EPRS1: variants seen among roughly 807,000 people sequenced by gnomAD.
EPRS1 encodes glutamyl-prolyl-tRNA synthetase 1, also known as bifunctional glutamate/proline--tRNA ligase.
In EPRS1, 107 loss-of-function variants were observed where a neutral mutation model predicts 188.3. The observed-to-expected ratio is 0.57, with a 90% CI of 0.49 to 0.67. EPRS1 has a LOEUF of 0.67. Ranked by LOEUF, EPRS1 falls within the 30% of genes least tolerant of loss-of-function variation. The pLI, the probability that EPRS1 is intolerant of heterozygous loss-of-function variation, is 0.00. For missense variants in EPRS1, 1,577 were observed against 1,802.2 expected (o/e 0.88, Z 2.26); for synonymous variants, 596 against 593.1 (o/e 1.00, Z -0.07).
Position 220,024,540 on chromosome 1 carries a change from A to T in EPRS1, c.751-84T>A. 3.6e-6 allele frequency: 3 copies of T among 832,556 alleles called. No homozygotes were observed. The South Asian group carries it at 5.3e-5, about 15-fold the overall frequency. The allele number at this position is 832,556 out of a possible 1,614,324, so 51.6% of individuals were successfully genotyped here. On this transcript the variant is annotated intron_variant, in intron 7 of 31. Transcript: ENST00000366923. ...CAACCCTTGATACTGCATTTAAGCA[A>T]ATGTAACATAGACCATCAGTCTTAT...
At chr1:220,028,893 G>A (rs1662036312) in intron 6 of EPRS1, among the ~76,000 whole-genome samples, 1 of 152,044 alleles carries the variant, frequency 6.6e-6, no homozygotes, top group South Asian at 2.1e-4. Flanking sequence ...TGAAAACTAT[G>A]CATAGTAAAA....
intron 30 of EPRS1, among the ~76,000 whole-genome samples, chr1:219,971,341 A>G (rs1309669808): frequency 6.6e-6 from 1 of 152,176 alleles, no homozygotes; most frequent in African/African-American, 2.4e-5. Flanking sequence ...TATACCCAAT[A>G]TATAAAATCA....
In EPRS1 at chr1:219,996,637, A is replaced by C. The variant is rs6669531; in HGVS notation, c.2541+346T>G. ...TTGTTCCCCCATAATGGCTGCTTCT[A>C]CTTCAGGATGATTTTAAATATCCTT... On this transcript the variant is annotated intron_variant, in intron 18 of 31. Transcript: ENST00000366923. 5.3e-3 allele frequency among the ~76,000 whole-genome samples: 814 copies of C among 152,298 alleles called. 7 individuals carry two copies. Among genetic ancestry groups the C allele is most frequent in the African/African-American group, 0.019 (790 of 41,568 alleles).
chr1:220,046,489 A>G lies in EPRS1; in HGVS notation c.-101T>C. The G allele has an allele frequency of 6.5e-7, 1 of 1,527,476 alleles. No homozygotes were observed. The highest frequency in any genetic ancestry group is 2.5e-5 in the East Asian group (1 of 40,216). 94.6% of individuals were successfully genotyped at this position (1,527,476 alleles called of 1,614,324 possible). ...AAGATGCAACGTGTGCGCGTACCCGACGCCGCCGCAGCCTTCGCTCCGCCC... is the reference window on the plus strand; with the variant it reads ...AAGATGCAACGTGTGCGCGTACCCGGCGCCGCCGCAGCCTTCGCTCCGCCC... On this transcript the variant is annotated 5_prime_UTR_variant, in exon 1 of 32. Coordinates refer to ENST00000366923, the MANE Select transcript of EPRS1 (RefSeq NM_004446.3).
intron 6 of EPRS1, among the ~76,000 whole-genome samples, chr1:220,029,218 G>A (rs1309983420): frequency 6.6e-6 from 1 of 152,014 alleles, no homozygotes; most frequent in African/African-American, 2.4e-5. Flanking sequence ...AACCCAAGAT[G>A]TCTATAGATA....
rs1397281543 is a variant in EPRS1 at position 219,988,478 on chromosome 1, C to T, written c.2775+112G>A. The T allele has an allele frequency of 5.9e-6, 4 of 674,672 alleles. 1 individual carries two copies. The South Asian group carries it at 7.8e-5, about 13-fold the overall frequency. The allele number at this position is 674,672 out of a possible 1,614,324, so 41.8% of individuals were successfully genotyped here. The stretch of plus-strand genomic sequence containing the variant: ...AAAGGCAAGGTAAGAGAATTAAGAA[C>T]TGAAATATGAGTAGAAGTTAGCCAG... On this transcript the variant is annotated intron_variant, in intron 19 of 31. Transcript: ENST00000366923.
rs377213513 is a variant in EPRS1, at chr1:220,022,569, T to G, written c.944-51A>C. ...TTCACTAATCTGGTTAAATTCAAAT[T>G]ATTCTCATAGTGCTATAATTTGATA... On this transcript the variant is annotated intron_variant, in intron 8 of 31. Coordinates refer to ENST00000366923, the MANE Select transcript of EPRS1 (RefSeq NM_004446.3). The G allele has an allele frequency of 9.3e-6, 13 of 1,395,436 alleles. No homozygotes were observed. In the African/African-American group the frequency reaches 1.9e-4, roughly 20 times the overall value. The allele number at this position is 1,395,436 out of a possible 1,614,324, so 86.4% of individuals were successfully genotyped here.
chr1:220,017,339 A>G (rs907418772), intron 12 of EPRS1, among the ~76,000 whole-genome samples: 2 of 152,208 alleles, frequency 1.3e-5, no homozygotes, highest in African/African-American at 4.8e-5. Flanking sequence ...ACCCTACAGA[A>G]CTATTTGACT....
chr1:219,980,104 G>A lies in EPRS1; in HGVS notation c.3692C>T (p.Ala1231Val). ...YTTTIEAFIS[A>V]SGRAIQGGTS... is the part of the protein sequence containing the mutation. ...TGATACCTGGATAGCTCTTCCACTA[G>A]CAGATATAAATGCTTCTATTGTAGT... Residue 1231 changes from alanine to valine, a missense_variant, in exon 26 of 32, where the codon GCT becomes GTT. This residue lies in a region of EPRS1 where 1,278 missense variants were observed against 1,457.4 expected (regional missense o/e 0.88). Coordinates refer to ENST00000366923, the MANE Select transcript of EPRS1 (RefSeq NM_004446.3). The A allele has an allele frequency of 1.2e-6, 2 of 1,613,734 alleles. No homozygotes were observed. Among genetic ancestry groups the A allele is most frequent in the Non-Finnish European group, 1.7e-6 (2 of 1,179,814 alleles).
rs1331536597 is a variant in EPRS1 at position 219,978,623 on chromosome 1, T to C, written c.4006A>G (p.Ser1336Gly). ...TCAGCTCTAACGCGGATGTTAACAC[T>C]GAGTAATCGCCTTCGATAATCATTG... ...KCNDYRRRLL[S>G]VNIRVRADLR... The change falls in exon 28 of 32, where the codon AGT becomes GGT. Residue 1336 changes from serine to glycine, a missense_variant. By Grantham distance (56) the Ser-to-Gly change is moderately conservative (BLOSUM62 0). This residue lies in a region of EPRS1 where 296 missense variants were observed against 327.9 expected (regional missense o/e 0.90). Transcript: ENST00000366923. 2 of 1,612,602 alleles carry C rather than the reference T, an allele frequency of 1.2e-6. No homozygotes were observed. The highest frequency in any genetic ancestry group is 1.7e-6 in the Non-Finnish European group (2 of 1,179,136).
At position 219,980,745 on chromosome 1, in the gene EPRS1, ACT is replaced by A; in HGVS notation, c.3555+9_3555+10del. The A allele has an allele frequency of 6.3e-7, 1 of 1,584,146 alleles. No homozygotes were observed. The highest frequency in any genetic ancestry group is 1.3e-5 in the African/African-American group (1 of 74,504). On this transcript the variant is annotated intron_variant, in intron 25 of 31. Transcript: ENST00000366923. ...TGGAACATAGTTAATATGGAAAATA[ACT>A]TTTTATACCTCTTCCGCTGCCTCTT...
At chr1:219,984,654 C>T (rs1660968735) in intron 20 of EPRS1, among the ~76,000 whole-genome samples, 1 of 152,172 alleles carries the variant, frequency 6.6e-6, no homozygotes, top group Non-Finnish European at 1.5e-5. Context: ...AACTCCTGGC[C>T]TCATGCAATC....
At chr1:219,978,194 T>C (rs1056660706) in intron 28 of EPRS1, among the ~76,000 whole-genome samples, 1 of 152,234 alleles carries the variant, frequency 6.6e-6, no homozygotes, top group Non-Finnish European at 1.5e-5. Context: ...GTGATGTCCA[T>C]GTACTGTTAT....
chr1:220,025,003 T>C (rs1012001156), intron 7 of EPRS1, 129 bp downstream of exon 7: 1 of 869,690 alleles, frequency 1.1e-6, no homozygotes, highest in Non-Finnish European at 1.9e-6. Context: ...GTCTCAGATA[T>C]GGAATATATA....
chr1:219,982,861 ATT>A lies in EPRS1; in HGVS notation c.3301-19_3301-18del. 6.2e-7 allele frequency: 1 copy of A among 1,610,338 alleles called. No homozygotes were observed. Among genetic ancestry groups the A allele is most frequent in the African/African-American group, 1.3e-5 (1 of 74,926 alleles). The stretch of plus-strand genomic sequence containing the variant: ...CCAAGCAACCTAGTAAGAAAAAATC[ATT>A]TTTCATACTTTTTTTTCAATAGCAT... On this transcript the variant is annotated intron_variant, in intron 22 of 31. Coordinates refer to ENST00000366923, the MANE Select transcript of EPRS1 (RefSeq NM_004446.3).
At chr1:220,001,360 T>A in intron 16 of EPRS1, 105 bp from the exon 17 acceptor site, 1 of 713,732 alleles carries the variant, frequency 1.4e-6, no homozygotes, top group Non-Finnish European at 2.5e-6. Flanking sequence ...AGTTAATGCT[T>A]TTCTTTCTTT....
chr1:220,045,375 G>A (rs1028631247), intron 1 of EPRS1, among the ~76,000 whole-genome samples: 2 of 152,062 alleles, frequency 1.3e-5, no homozygotes, highest in Non-Finnish European at 2.9e-5. Flanking sequence ...ATGGTGGCAC[G>A]CGCCTGTAGT....
chr1:220,021,856 A>T (rs1661883063), intron 9 of EPRS1, among the ~76,000 whole-genome samples: 1 of 63,270 alleles, frequency 1.6e-5, no homozygotes, highest in South Asian at 5.6e-4. Context: ...TATTTTATAA[A>T]GTAGGGTTTT....
intron 16 of EPRS1, 22 bp from the exon 17 acceptor site, chr1:220,001,277 A>G (rs1264948501): frequency 7.0e-7 from 1 of 1,425,844 alleles, no homozygotes; most frequent in South Asian, 1.1e-5. Flanking sequence ...ATAAAGGGAC[A>G]AAATAGTTTA....
Sources: allele counts gnomAD v4.1 joint callset (sites outside exome capture counted in the v4.1 genomes callset), GRCh38; gene constraint gnomAD v4.1.1; regional missense constraint gnomAD v4.1.1; transcripts MANE v1.5; gene names NCBI Gene and HGNC (gene_info 2026-07-23, HGNC 2026-07-21).